LAMA2: variants seen among roughly 807,000 people sequenced by gnomAD.
LAMA2 encodes the protein laminin subunit alpha 2.
Under a neutral mutation model 364.8 loss-of-function variants are expected in LAMA2, and 269 were observed. That is an observed-to-expected ratio of 0.74 (90% CI 0.67 to 0.82). The LOEUF (loss-of-function observed/expected upper bound fraction) is 0.82, where lower values mean the gene tolerates loss of function less well. LAMA2 is among the 40% of genes least tolerant of loss of function. The pLI, the probability that LAMA2 is intolerant of heterozygous loss-of-function variation, is 0.00. For missense variants in LAMA2, 3,807 were observed against 3,873.2 expected, an observed-to-expected ratio of 0.98 and a Z score of 0.45; for synonymous variants, 1,379 against 1,370.6, an observed-to-expected ratio of 1.01 and a Z score of -0.14.
chr6:129,175,001 A>G (rs1468523327), intron 9 of LAMA2, among the ~76,000 whole-genome samples: 1 of 152,198 alleles, frequency 6.6e-6, no homozygotes, highest in Non-Finnish European at 1.5e-5. Flanking sequence ...TTTAGCCTCA[A>G]TTTCTGGAAA....
chr6:129,236,010 A>G (rs1207339321), intron 12 of LAMA2, among the ~76,000 whole-genome samples: 1 of 152,228 alleles, frequency 6.6e-6, no homozygotes, highest in African/African-American at 2.4e-5. Flanking sequence ...CTATTAAGCA[A>G]GAAATCTTGA....
rs148303153 is a variant in LAMA2 at position 129,025,223 on chromosome 6, C to A, written c.113-24695C>A. Among the ~76,000 whole-genome samples, 354 of 152,226 alleles carry A rather than the reference C, an allele frequency of 2.3e-3. 2 individuals carry two copies. The highest frequency in any genetic ancestry group is 7.9e-3 in the African/African-American group (329 of 41,540). On this transcript the variant is annotated intron_variant, in intron 1 of 64. Coordinates refer to ENST00000421865, the MANE Select transcript of LAMA2 (RefSeq NM_000426.4). ...TGAACTCTGTACTTCCACTTTTTTA[C>A]ATAAAGTACATCTTCCACTTCTAGT... is the stretch of plus-strand genomic sequence containing the variant.
At chr6:129,395,329 G>A (rs1295083216) in intron 37 of LAMA2, among the ~76,000 whole-genome samples, 1 of 152,126 alleles carries the variant, frequency 6.6e-6, no homozygotes, top group Non-Finnish European at 1.5e-5. Context: ...TTTATTTTAA[G>A]GTGGCATGTA....
intron 4 of LAMA2, among the ~76,000 whole-genome samples, chr6:129,136,463 G>T (rs1777796698): frequency 6.6e-6 from 1 of 151,630 alleles, no homozygotes; most frequent in Non-Finnish European, 1.5e-5. Flanking sequence ...ATCTGCTATT[G>T]GTAGAAAAAG....
chr6:129,448,299 G>A (rs1162504090), intron 45 of LAMA2, among the ~76,000 whole-genome samples: 1 of 151,624 alleles, frequency 6.6e-6, no homozygotes, highest in Non-Finnish European at 1.5e-5. Context: ...AAAAAAAAGA[G>A]AAGAAAAAAA....
chr6:129,240,526 A>C (rs1295195682), intron 12 of LAMA2, among the ~76,000 whole-genome samples: 1 of 152,098 alleles, frequency 6.6e-6, no homozygotes, highest in Non-Finnish European at 1.5e-5. Flanking sequence ...TTACCTTTCC[A>C]AACCTTTTGT....
intron 34 of LAMA2, among the ~76,000 whole-genome samples, chr6:129,376,065 A>G (rs1394256834): frequency 5.9e-5 from 9 of 152,190 alleles, no homozygotes; most frequent in Non-Finnish European, 1.3e-4. Flanking sequence ...TGCAGATCCT[A>G]TCATGTCATT....
intron 1 of LAMA2, among the ~76,000 whole-genome samples, chr6:128,944,114 TA>T (rs57356717): frequency 0.033 from 4,961 of 152,258 alleles, 141 homozygotes; most frequent in African/African-American, 0.075. Flanking sequence ...GGTACTGTGA[TA>T]GGGGAAAAAG....
chr6:129,350,385 G>T (rs1562484266), intron 31 of LAMA2, among the ~76,000 whole-genome samples: 3 of 152,120 alleles, frequency 2.0e-5, no homozygotes, highest in Admixed American at 6.6e-5. Context: ...GGACACTGTT[G>T]GTGCCCTGCC....
At chr6:129,449,131 A>AG (rs1341927130) in intron 45 of LAMA2, among the ~76,000 whole-genome samples, 1 of 152,208 alleles carries the variant, frequency 6.6e-6, no homozygotes, top group African/African-American at 2.4e-5. Context: ...AGTTTCTGAG[A>AG]GTATATTCAA....
intron 58 of LAMA2, among the ~76,000 whole-genome samples, chr6:129,499,994 G>A (rs1336312812): frequency 6.6e-6 from 1 of 151,972 alleles, no homozygotes; most frequent in Non-Finnish European, 1.5e-5. Context: ...AGCCTCAAGC[G>A]ATCTTCCTGC....
intron 44 of LAMA2, among the ~76,000 whole-genome samples, chr6:129,445,006 C>G (rs1782297475): frequency 6.6e-6 from 1 of 152,114 alleles, no homozygotes; most frequent in African/African-American, 2.4e-5. Context: ...CAATATGTAA[C>G]CCTTTATTTT....
intron 29 of LAMA2, 114 bp from the exon 30 acceptor site, chr6:129,342,229 G>T (rs1466164941): frequency 1.2e-6 from 1 of 834,164 alleles, no homozygotes; most frequent in Non-Finnish European, 2.0e-6. Context: ...GTGTGTGTGT[G>T]TAAGAAAGTA....
intron 4 of LAMA2, among the ~76,000 whole-genome samples, chr6:129,137,236 A>G (rs1215850325): frequency 6.6e-6 from 1 of 151,952 alleles, no homozygotes; most frequent in African/African-American, 2.4e-5. Flanking sequence ...TTGGTCGTGT[A>G]AATTTCTAGT....
intron 4 of LAMA2, among the ~76,000 whole-genome samples, chr6:129,113,701 C>G (rs1776298282): frequency 6.6e-6 from 1 of 151,980 alleles, no homozygotes; most frequent in African/African-American, 2.4e-5. Context: ...ATCATTAAGA[C>G]AGTAGCAAAA....
intron 22 of LAMA2, among the ~76,000 whole-genome samples, chr6:129,306,359 T>TC (rs11412959): frequency 2.0e-5 from 3 of 150,012 alleles, no homozygotes; most frequent in Non-Finnish European, 3.0e-5. Context: ...TTTTTTTTTT[T>TC]CCGAAGATGT....
chr6:129,146,165 T>G (rs577895227), intron 5 of LAMA2, among the ~76,000 whole-genome samples: 23 of 151,978 alleles, frequency 1.5e-4, no homozygotes, highest in East Asian at 1.2e-3. Flanking sequence ...TCTGTTTTTT[T>G]TGTGTGTGTG....
At chr6:129,466,618 A>G (rs909376499) in intron 51 of LAMA2, among the ~76,000 whole-genome samples, 5 of 151,970 alleles carry the variant, frequency 3.3e-5, no homozygotes, top group African/African-American at 1.2e-4. Flanking sequence ...TTAGTTGTTC[A>G]GTAAGAAGAA....
At chr6:129,041,715 A>C (rs1036529230) in intron 1 of LAMA2, among the ~76,000 whole-genome samples, 1 of 152,112 alleles carries the variant, frequency 6.6e-6, no homozygotes, top group Non-Finnish European at 1.5e-5. Context: ...CTAGATTCTA[A>C]AATTAGGCCA....
Sources: allele counts gnomAD v4.1 joint callset (sites outside exome capture counted in the v4.1 genomes callset), GRCh38; gene constraint gnomAD v4.1.1; transcripts MANE v1.5; gene names NCBI Gene and HGNC (gene_info 2026-07-23, HGNC 2026-07-21).